TTC28: variants seen among roughly 807,000 people sequenced by gnomAD.
The protein encoded by TTC28 is tetratricopeptide repeat protein 28.
In TTC28, 61 loss-of-function variants were observed where a neutral mutation model predicts 198.0. That is an observed-to-expected ratio of 0.31 (90% CI 0.25 to 0.38). The LOEUF is 0.38. TTC28 is among the 10% of genes least tolerant of loss of function. The probability of loss-of-function intolerance (pLI) is 1.00; values close to 1 mark genes in which losing one functional copy is unlikely to be tolerated. For missense variants in TTC28, 2,678 were observed against 3,164.0 expected (o/e 0.85, Z 3.69); for synonymous variants, 1,171 against 1,297.8 (o/e 0.90, Z 2.10).
intron 2 of TTC28, among the ~76,000 whole-genome samples, chr22:28,467,432 A>G (rs1202185669): frequency 6.6e-6 from 1 of 152,198 alleles, no homozygotes; most frequent in African/African-American, 2.4e-5. Context: ...TCAAAAAAAT[A>G]CATATACTGA....
At chr22:28,043,928 G>A (rs1292709257) in intron 12 of TTC28, among the ~76,000 whole-genome samples, 1 of 152,166 alleles carries the variant, frequency 6.6e-6, no homozygotes, top group Non-Finnish European at 1.5e-5. Context: ...GCAGAGACAA[G>A]TGAAAGCCAT....
rs140665331 is a variant in TTC28, at chr22:27,990,092, C to A, written c.5578-85G>T. 5 of 1,479,346 alleles carry A rather than the reference C, an allele frequency of 3.4e-6. No homozygotes were observed. The South Asian group carries it at 4.0e-5, about 12-fold the overall frequency. The allele number at this position is 1,479,346 out of a possible 1,614,324, so 91.6% of individuals were successfully genotyped here. On this transcript the variant is annotated intron_variant, in intron 20 of 22. Transcript: ENST00000397906. ...GACTCGACCCATTATTCTTATGTCA[C>A]CTGTCACTGGCATCGCTAATGACCC...
chr22:28,536,763 C>G (rs2049289518), intron 2 of TTC28, among the ~76,000 whole-genome samples: 1 of 152,166 alleles, frequency 6.6e-6, no homozygotes, highest in Non-Finnish European at 1.5e-5. Context: ...AAATGTAATG[C>G]AATCCCAACA....
At chr22:28,333,546 T>C (rs765522878) in intron 2 of TTC28, among the ~76,000 whole-genome samples, 3 of 152,076 alleles carry the variant, frequency 2.0e-5, no homozygotes, top group Non-Finnish European at 2.9e-5. Context: ...CATATGAAAA[T>C]GAACTAGGTT....
At chr22:28,580,693 T>G (rs887475507) in intron 2 of TTC28, among the ~76,000 whole-genome samples, 1 of 152,218 alleles carries the variant, frequency 6.6e-6, no homozygotes, top group Admixed American at 6.5e-5. Context: ...GAATGTAGAA[T>G]TATAATTATT....
intron 2 of TTC28, among the ~76,000 whole-genome samples, chr22:28,583,802 A>C (rs1445020953): frequency 2.6e-5 from 4 of 152,272 alleles, no homozygotes; most frequent in Non-Finnish European, 5.9e-5. Flanking sequence ...AAGAATAAAA[A>C]TATCTCTTTC....
chr22:28,228,374 G>A (rs986865563), intron 5 of TTC28, among the ~76,000 whole-genome samples: 2 of 152,144 alleles, frequency 1.3e-5, no homozygotes, highest in South Asian at 2.1e-4. Flanking sequence ...ATTTTGTTAT[G>A]TATGTTTTAC....
chr22:28,384,793 G>A (rs972096610), intron 2 of TTC28, among the ~76,000 whole-genome samples: 2 of 152,058 alleles, frequency 1.3e-5, no homozygotes, highest in African/African-American at 4.8e-5. Context: ...TGCACTTTCT[G>A]TACCCAAACT....
intron 12 of TTC28, among the ~76,000 whole-genome samples, chr22:28,085,043 C>A (rs1232722984): frequency 6.6e-6 from 1 of 152,022 alleles, no homozygotes; most frequent in Non-Finnish European, 1.5e-5. Flanking sequence ...GATTGGTGTA[C>A]CTGAAAGTCA....
At chr22:28,211,345 A>T (rs1455663866) in intron 5 of TTC28, among the ~76,000 whole-genome samples, 7 of 152,180 alleles carry the variant, frequency 4.6e-5, no homozygotes, top group Non-Finnish European at 7.3e-5. Context: ...GGCAAATTGG[A>T]TAAAGAGTCA....
chr22:28,294,880 T>C (rs2044862436), intron 5 of TTC28, among the ~76,000 whole-genome samples: 1 of 152,144 alleles, frequency 6.6e-6, no homozygotes, highest in South Asian at 2.1e-4. Context: ...TCTTGACATA[T>C]TTATAGCAAT....
intron 3 of TTC28, among the ~76,000 whole-genome samples, chr22:28,303,144 C>T (rs1020545653): frequency 1.3e-5 from 2 of 152,154 alleles, no homozygotes; most frequent in Admixed American, 6.5e-5. Context: ...CAGCAAGAAG[C>T]GGCCCTAGCA....
chr22:28,323,807 C>T (rs992259933), intron 2 of TTC28, among the ~76,000 whole-genome samples: 2 of 152,086 alleles, frequency 1.3e-5, no homozygotes, highest in Non-Finnish European at 2.9e-5. Context: ...ATAGGACTAC[C>T]TCAAGGCATT....
intron 5 of TTC28, among the ~76,000 whole-genome samples, chr22:28,208,500 C>G (rs910199276): frequency 6.6e-6 from 1 of 152,100 alleles, no homozygotes; most frequent in Non-Finnish European, 1.5e-5. Context: ...CTTTTCCTGA[C>G]GTGAGCCAGA....
chr22:28,546,676 T>C (rs1296049969), intron 2 of TTC28, among the ~76,000 whole-genome samples: 3 of 152,178 alleles, frequency 2.0e-5, no homozygotes, highest in East Asian at 1.9e-4. Context: ...CGAATGTTCA[T>C]AGCAGTGTTA....
At chr22:28,655,724 G>A (rs868654735) in intron 1 of TTC28, among the ~76,000 whole-genome samples, 1 of 152,068 alleles carries the variant, frequency 6.6e-6, no homozygotes, top group African/African-American at 2.4e-5. Context: ...CGTGGCGGGC[G>A]CCTGTAGTCC....
chr22:28,525,484 CT>C (rs1371943164), intron 2 of TTC28, among the ~76,000 whole-genome samples: 1 of 152,144 alleles, frequency 6.6e-6, no homozygotes, highest in Non-Finnish European at 1.5e-5. Context: ...TAGTTATTCC[CT>C]AGTACAAATC....
chr22:28,087,340 T>G (rs1941645155), intron 12 of TTC28, among the ~76,000 whole-genome samples: 1 of 152,192 alleles, frequency 6.6e-6, no homozygotes, highest in African/African-American at 2.4e-5. Context: ...ATCCCTGGGA[T>G]GCAAGGCTGG....
chr22:28,536,947 T>A (rs2049292795), intron 2 of TTC28, among the ~76,000 whole-genome samples: 1 of 151,400 alleles, frequency 6.6e-6, no homozygotes, highest in African/African-American at 2.4e-5. Flanking sequence ...ATATTAACAT[T>A]ATAATATGTA....
Sources: allele counts gnomAD v4.1 joint callset (sites outside exome capture counted in the v4.1 genomes callset), GRCh38; gene constraint gnomAD v4.1.1; transcripts MANE v1.5; gene names NCBI Gene and HGNC (gene_info 2026-07-23, HGNC 2026-07-21).